The following ANTXR1 variants were observed in gnomAD, a reference collection of about 807,000 sequenced individuals.
ANTXR1 encodes the protein ANTXR cell adhesion molecule 1.
A neutral mutation model predicts 78.1 loss-of-function variants in ANTXR1; 19 were observed. The ratio of observed to expected loss-of-function variants is 0.24; its 90% CI spans 0.17 to 0.36. The LOEUF is 0.36. Ranked by LOEUF, ANTXR1 falls within the 10% of genes least tolerant of loss-of-function variation. The probability of loss-of-function intolerance (pLI) is 1.00; values close to 1 mark genes in which losing one functional copy is unlikely to be tolerated. For synonymous variants in ANTXR1, 273 were observed against 260.5 expected (o/e 1.05, Z -0.46); for missense variants, 518 against 718.6 (o/e 0.72, Z 3.19).
chr2:69,232,506 A>T (rs1190611496), intron 17 of ANTXR1, among the ~76,000 whole-genome samples: 5 of 151,984 alleles, frequency 3.3e-5, no homozygotes, highest in Admixed American at 2.0e-4. Context: ...TCCAAAAAAA[A>T]AAAAAAAGCA....
At chr2:69,122,588 G>GT (rs145753673) in intron 10 of ANTXR1, among the ~76,000 whole-genome samples, 10,078 of 152,086 alleles carry the variant, frequency 0.066, 454 homozygotes, top group Middle Eastern at 0.092. Context: ...TTTTGTTTTT[G>GT]TTTTTGTTTT....
intron 17 of ANTXR1, among the ~76,000 whole-genome samples, chr2:69,212,184 G>A (rs1038097186): frequency 1.3e-5 from 2 of 152,202 alleles, no homozygotes; most frequent in African/African-American, 4.8e-5. Flanking sequence ...GGAGATAAAA[G>A]AGGAGAATCA....
intron 10 of ANTXR1, among the ~76,000 whole-genome samples, chr2:69,108,305 A>G (rs987869695): frequency 6.6e-6 from 1 of 152,206 alleles, no homozygotes; most frequent in African/African-American, 2.4e-5. Context: ...TTCCTGGAAA[A>G]CTAGAGAGTG....
chr2:69,090,694 G>A (rs1202883813), intron 8 of ANTXR1, 165 bp from the exon 9 acceptor site: 5 of 665,506 alleles, frequency 7.5e-6, no homozygotes, highest in Non-Finnish European at 1.4e-5. Context: ...CTTAATAAAT[G>A]TTTGGTATTG....
At chr2:69,201,127 C>T (rs898275131) in intron 17 of ANTXR1, among the ~76,000 whole-genome samples, 2 of 152,214 alleles carry the variant, frequency 1.3e-5, no homozygotes, top group African/African-American at 4.8e-5. Context: ...AAACAGGAAG[C>T]TCCCAAACAC....
At chr2:69,150,855 C>CA (rs1392622221) in intron 12 of ANTXR1, among the ~76,000 whole-genome samples, 4 of 151,342 alleles carry the variant, frequency 2.6e-5, no homozygotes, top group South Asian at 2.1e-4. Flanking sequence ...TCCATCTCTA[C>CA]AAAAAACAAA....
chr2:69,193,644 G>T (rs1161040474), intron 17 of ANTXR1, among the ~76,000 whole-genome samples: 1 of 152,194 alleles, frequency 6.6e-6, no homozygotes, highest in Non-Finnish European at 1.5e-5. Flanking sequence ...ACAAGATCTT[G>T]AGTTTTGATT....
chr2:69,158,926 G>C (rs191872839), intron 13 of ANTXR1, among the ~76,000 whole-genome samples: 1 of 152,268 alleles, frequency 6.6e-6, no homozygotes. Context: ...GGAGAAACTA[G>C]TCACAGAAAC....
intron 16 of ANTXR1, among the ~76,000 whole-genome samples, chr2:69,192,075 C>T (rs971568682): frequency 1.3e-5 from 2 of 152,212 alleles, no homozygotes; most frequent in African/African-American, 2.4e-5. Context: ...CATCAATACC[C>T]CTGCTTTCAT....
In ANTXR1 at chr2:69,248,560, G is replaced by A. The variant is rs1293434218; in HGVS notation, c.*3075G>A. On this transcript the variant is annotated 3_prime_UTR_variant, in exon 18 of 18. Coordinates refer to ENST00000303714, the MANE Select transcript of ANTXR1 (RefSeq NM_032208.3). ...GACACAAGATCTCTCTTTTACCAAA[G>A]TTGAGAACAGAGCTGGTGGATTAAT... 1 of 152,534 alleles carries A rather than the reference G, an allele frequency of 6.6e-6. No individual in the cohort carries two copies. The highest frequency in any genetic ancestry group is 2.4e-5 in the African/African-American group (1 of 41,420). The allele number at this position is 152,534 out of a possible 1,614,324, so 9.4% of individuals were successfully genotyped here.
intron 3 of ANTXR1, among the ~76,000 whole-genome samples, chr2:69,062,289 G>A (rs553088479): frequency 4.3e-4 from 65 of 152,332 alleles, no homozygotes; most frequent in Non-Finnish European, 7.1e-4. Flanking sequence ...AAGCAGCAGT[G>A]GAGGAATTGC....
rs747143387 is a variant in ANTXR1, at chr2:69,123,032, C to A, written c.818C>A (p.Ser273Tyr). 1 of 1,614,162 alleles carries A rather than the reference C, an allele frequency of 6.2e-7. No individual in the cohort carries two copies. Among genetic ancestry groups the A allele is most frequent in the East Asian group, 2.2e-5 (1 of 44,882 alleles). Reference protein sequence around the residue: ...DSVTLNEKPFSVEDTYLLCPA... With the variant: ...DSVTLNEKPFYVEDTYLLCPA... The stretch of plus-strand genomic sequence containing the variant: ...CTTTTTGCAGATGAGAAGCCCTTTT[C>A]TGTGGAAGATACTTATTTACTGTGT... The change falls in exon 11 of 18, where the codon TCT (serine) becomes TAT (tyrosine). Residue 273 changes from serine (S) to tyrosine (Y), a missense_variant. By Grantham distance (144) the Ser-to-Tyr change is moderately radical. Around this residue, in one of 5 missense-constraint regions of ANTXR1, gnomAD observed 264 missense variants for 391.8 expected, o/e 0.67. Transcript: ENST00000303714.
intron 12 of ANTXR1, chr2:69,145,389 C>A: frequency 6.3e-7 from 1 of 1,589,616 alleles, no homozygotes; most frequent in Admixed American, 1.8e-5. Flanking sequence ...GAGAATACCG[C>A]CTGCTCCCTC....
At chr2:69,203,355 CT>C (rs1420884705) in intron 17 of ANTXR1, among the ~76,000 whole-genome samples, 1 of 152,216 alleles carries the variant, frequency 6.6e-6, no homozygotes, top group Non-Finnish European at 1.5e-5. Context: ...GAAGCCTCTC[CT>C]TTGCTGTCTC....
At chr2:69,069,113 T>G (rs539152379) in intron 3 of ANTXR1, among the ~76,000 whole-genome samples, 1 of 152,258 alleles carries the variant, frequency 6.6e-6, no homozygotes, top group South Asian at 2.1e-4. Flanking sequence ...CCTTTTCAGT[T>G]TGTCTTTTAA....
intron 16 of ANTXR1, among the ~76,000 whole-genome samples, chr2:69,183,584 T>G (rs1434730025): frequency 5.0e-5 from 7 of 140,176 alleles, no homozygotes; most frequent in Non-Finnish European, 7.6e-5. Flanking sequence ...GTTTTTTTTT[T>G]TTTTTTTTTT....
chr2:69,110,861 CA>C (rs1202466193), intron 10 of ANTXR1, among the ~76,000 whole-genome samples: 2 of 150,884 alleles, frequency 1.3e-5, no homozygotes, highest in African/African-American at 2.4e-5. Flanking sequence ...GACTCCGTCT[CA>C]AAAAAAAAGT....
At chr2:69,101,572 T>C (rs954132375) in intron 9 of ANTXR1, among the ~76,000 whole-genome samples, 17 of 152,248 alleles carry the variant, frequency 1.1e-4, no homozygotes, top group African/African-American at 3.6e-4. Flanking sequence ...TAGTTATTAT[T>C]GTCTTGGCAA....
intron 1 of ANTXR1, among the ~76,000 whole-genome samples, chr2:69,014,729 G>A (rs1034372608): frequency 6.6e-6 from 1 of 152,190 alleles, no homozygotes; most frequent in Non-Finnish European, 1.5e-5. Flanking sequence ...GGATTTCACA[G>A]ACTGGAAAGT....
Sources: gnomAD v4.1 joint callset for allele counts (sites outside exome capture counted in the v4.1 genomes callset) on GRCh38, gnomAD v4.1.1 for gene constraint, gnomAD v4.1.1 regional missense constraint, MANE v1.5 for transcripts, NCBI Gene and HGNC (gene_info 2026-07-23, HGNC 2026-07-21) for gene names.